Variants in ZC3H14 observed in about 807,000 individuals in gnomAD.
ZC3H14 encodes the protein zinc finger CCCH-type containing 14.
A neutral mutation model predicts 92.4 loss-of-function variants in ZC3H14; 31 were observed. That is an observed-to-expected ratio of 0.34 (90% CI 0.25 to 0.45). The LOEUF (loss-of-function observed/expected upper bound fraction) is 0.45. Ranked by LOEUF, ZC3H14 falls within the 20% of genes least tolerant of loss-of-function variation. The probability of loss-of-function intolerance (pLI) is 1.00; values close to 1 mark genes in which losing one functional copy is unlikely to be tolerated. For missense variants in ZC3H14, 781 were observed against 897.3 expected, an observed-to-expected ratio of 0.87 and a Z score of 1.66; for synonymous variants, 321 against 300.9, an observed-to-expected ratio of 1.07 and a Z score of -0.69.
At chr14:88,609,164 C>T in intron 13 of ZC3H14, 103 bp from the exon 14 acceptor site, 1 of 1,420,430 alleles carries the variant, frequency 7.0e-7, no homozygotes, top group Admixed American at 2.0e-5. Flanking sequence ...TTTTGCATTT[C>T]TCAAAACAAG....
intron 9 of ZC3H14, among the ~76,000 whole-genome samples, chr14:88,594,013 A>C (rs1384666727): frequency 1.3e-5 from 2 of 152,170 alleles, no homozygotes; most frequent in African/African-American, 2.4e-5. Context: ...ACACGATACT[A>C]TATTAGTGAA....
intron 1 of ZC3H14, chr14:88,563,381 A>G: frequency 1.4e-6 from 2 of 1,439,800 alleles, no homozygotes; most frequent in Non-Finnish European, 1.8e-6. Flanking sequence ...GCCGCCGGGA[A>G]ATGGAAGGAC....
At chr14:88,563,357 C>T (rs1758690397) in intron 1 of ZC3H14, 188 bp downstream of exon 1, 2 of 1,455,564 alleles carry the variant, frequency 1.4e-6, no homozygotes, top group Admixed American at 2.6e-5. Context: ...CGGAGCGTGG[C>T]TGCGGCTGAA....
In ZC3H14 at chr14:88,622,741, G is replaced by T; in HGVS notation, c.*10990G>T. 6.5e-7 allele frequency: 1 copy of T among 1,534,114 alleles called. No individual in the cohort carries two copies. The highest frequency in any genetic ancestry group is 8.9e-7 in the Non-Finnish European group (1 of 1,129,748). On this transcript the variant is annotated 3_prime_UTR_variant, in exon 17 of 17. Transcript: ENST00000251038. ...GACCTAAGTAAATAACCAAGCCAGA[G>T]TAAGTGTTCATTATTGGCTACTATA...
chr14:88,582,168 A>G (rs927139147), intron 9 of ZC3H14, among the ~76,000 whole-genome samples: 7 of 152,270 alleles, frequency 4.6e-5, no homozygotes, highest in African/African-American at 1.7e-4. Context: ...ATTTCAGCTG[A>G]TAAGAGAACA....
At chr14:88,611,011 T>TAA in intron 16 of ZC3H14, 71 bp downstream of exon 16, 1 of 1,459,174 alleles carries the variant, frequency 6.9e-7, no homozygotes, top group Non-Finnish European at 9.6e-7. Flanking sequence ...TCTAAATTTA[T>TAA]AAGCACACAA....
intron 3 of ZC3H14, among the ~76,000 whole-genome samples, chr14:88,570,669 T>C (rs111811228): frequency 1.8e-3 from 271 of 152,366 alleles, no homozygotes; most frequent in African/African-American, 6.2e-3. Context: ...TCAGATGATA[T>C]TCTTTCCCAT....
At chr14:88,605,621 A>G (rs901571600) in intron 12 of ZC3H14, among the ~76,000 whole-genome samples, 2 of 152,230 alleles carry the variant, frequency 1.3e-5, no homozygotes, top group Non-Finnish European at 2.9e-5. Flanking sequence ...GGCATGAGCC[A>G]CCACATCCTA....
intron 9 of ZC3H14, chr14:88,591,689 G>T (rs1049595721): frequency 6.6e-6 from 1 of 152,092 alleles, no homozygotes; most frequent in Non-Finnish European, 1.5e-5. Context: ...GATGTGTATT[G>T]GTGTCGTCTT....
In ZC3H14 at chr14:88,618,472, T is replaced by G; in HGVS notation, c.*6721T>G. On this transcript the variant is annotated 3_prime_UTR_variant, in exon 17 of 17. Coordinates refer to ENST00000251038, the MANE Select transcript of ZC3H14 (RefSeq NM_024824.5). ...GTATGCAAAAGATCACTACAAAAAC[T>G]TAATAGGAGAAAAGCTCTGATAAGT... 9.2e-7 allele frequency: 1 copy of G among 1,086,306 alleles called. No homozygotes were observed. The highest frequency in any genetic ancestry group is 1.3e-6 in the Non-Finnish European group (1 of 757,938). The allele number at this position is 1,086,306 out of a possible 1,614,324, so 67.3% of individuals were successfully genotyped here.
intron 13 of ZC3H14, among the ~76,000 whole-genome samples, chr14:88,607,876 A>G (rs2085782295): frequency 9.3e-6 from 1 of 107,876 alleles, no homozygotes; most frequent in African/African-American, 3.6e-5. Context: ...TCACCCTGCA[A>G]GTACCATCCC....
At position 88,564,536 on chromosome 14, in the gene ZC3H14, A is replaced by C. The variant is rs548733723; in HGVS notation, c.79+843A>C. On this transcript the variant is annotated intron_variant, in intron 2 of 16. Coordinates refer to ENST00000251038, the MANE Select transcript of ZC3H14 (RefSeq NM_024824.5). ...TGGTTCTCAAAGTGTGGGAGACTCCAAGGGCCTCTGAAGTCAAAACTGTTT... is the reference window on the plus strand; with the variant it reads ...TGGTTCTCAAAGTGTGGGAGACTCCCAGGGCCTCTGAAGTCAAAACTGTTT... 1.0e-3 allele frequency among the ~76,000 whole-genome samples: 155 copies of C among 152,326 alleles called. 1 individual carries two copies. Among genetic ancestry groups the C allele is most frequent in the Non-Finnish European group, 2.0e-3 (133 of 68,038 alleles).
Position 88,582,395 on chromosome 14 carries a change from CTG to C in ZC3H14, c.1279+4258_1279+4259del, listed in dbSNP as rs143398469. Among the ~76,000 whole-genome samples, 925 of 152,210 alleles carry C rather than the reference CTG, an allele frequency of 6.1e-3. 9 individuals carry two copies. The highest frequency in any genetic ancestry group is 0.022 in the African/African-American group (897 of 41,526). ...AGCCGGAAAAATAGTGTTTGGGACA[CTG>C]TGGGTTGAATAGCCTGAGAAATTGA... is the stretch of plus-strand genomic sequence containing the variant. On this transcript the variant is annotated intron_variant, in intron 9 of 16. Coordinates refer to ENST00000251038, the MANE Select transcript of ZC3H14 (RefSeq NM_024824.5).
intron 9 of ZC3H14, among the ~76,000 whole-genome samples, chr14:88,584,949 TAAAAAA>T (rs568654901): frequency 1.4e-5 from 2 of 147,266 alleles, no homozygotes; most frequent in African/African-American, 5.0e-5. Flanking sequence ...GAACCATGGT[TAAAAAA>T]AAAAGAAAAA....
In ZC3H14 at chr14:88,622,909, T is replaced by A; in HGVS notation, c.*11158T>A. 2.4e-6 allele frequency: 1 copy of A among 425,514 alleles called. No homozygotes were observed. The highest frequency in any genetic ancestry group is 4.3e-5 in the Admixed American group (1 of 23,376). The allele number at this position is 425,514 out of a possible 1,614,324, so 26.4% of individuals were successfully genotyped here. On this transcript the variant is annotated 3_prime_UTR_variant, in exon 17 of 17. Transcript: ENST00000251038. ...TACTATATCTCAGTCAAAATAAACA[T>A]CCAGTTTCAGTGAATTTTATTTTGA...
rs2086857737 is a variant in ZC3H14 at position 88,611,975 on chromosome 14, CAGCTT to C, written c.*226_*230del. Reference sequence around the variant, plus strand: ...TTGTTTTGTTTTTACTATGAAAAGACAGCTTAAGGAAGAGCTAAATTCTGTTAAAA... The same window carrying C: ...TTGTTTTGTTTTTACTATGAAAAGACAAGGAAGAGCTAAATTCTGTTAAAA... On this transcript the variant is annotated 3_prime_UTR_variant, in exon 17 of 17. Coordinates refer to ENST00000251038, the MANE Select transcript of ZC3H14 (RefSeq NM_024824.5). The C allele has an allele frequency of 4.9e-6, 3 of 607,148 alleles. No individual in the cohort carries two copies. In the East Asian group the frequency reaches 8.7e-5, roughly 18 times the overall value. 37.6% of individuals were successfully genotyped at this position (607,148 alleles called of 1,614,324 possible).
Position 88,617,149 on chromosome 14 carries a change from T to TC in ZC3H14, c.*5399dup. The TC allele has an allele frequency of 4.0e-6, 1 of 249,078 alleles. No individual in the cohort carries two copies. Among genetic ancestry groups the TC allele is most frequent in the African/African-American group, 2.2e-5 (1 of 44,564 alleles). 15.4% of individuals were successfully genotyped at this position (249,078 alleles called of 1,614,324 possible). On this transcript the variant is annotated 3_prime_UTR_variant, in exon 17 of 17. Coordinates refer to ENST00000251038, the MANE Select transcript of ZC3H14 (RefSeq NM_024824.5). The stretch of plus-strand genomic sequence containing the variant: ...TATGAAAACTGATAGAACTATTTTT[T>TC]CTTTTTTTTTTTTTGAGACGGAGTT...
intron 9 of ZC3H14, among the ~76,000 whole-genome samples, chr14:88,588,023 A>G (rs533590701): frequency 6.7e-4 from 102 of 152,224 alleles, no homozygotes; most frequent in South Asian, 3.9e-3. Flanking sequence ...GGAACTCTCT[A>G]GAGTTTTTTT....
chr14:88,596,816 A>G lies in ZC3H14; in HGVS notation c.1354+8A>G, dbSNP rs2083895204. On this transcript the variant is annotated splice_region_variant and intron_variant, in intron 10 of 16. Coordinates refer to ENST00000251038, the MANE Select transcript of ZC3H14 (RefSeq NM_024824.5). ...CTCTGCAGATGAGTCAAGGTTGGTA[A>G]TGTTTCAAGTTGTACTGTAATCCAG... is the stretch of plus-strand genomic sequence containing the variant. The G allele has an allele frequency of 1.2e-6, 2 of 1,612,716 alleles. No homozygotes were observed. Among genetic ancestry groups the G allele is most frequent in the African/African-American group, 1.3e-5 (1 of 74,894 alleles).
Sources: allele counts gnomAD v4.1 joint callset (sites outside exome capture counted in the v4.1 genomes callset), GRCh38; gene constraint gnomAD v4.1.1; transcripts MANE v1.5; gene names NCBI Gene and HGNC (gene_info 2026-07-23, HGNC 2026-07-21).